Variants in GDAP1L1 observed in about 807,000 individuals in gnomAD.
The protein encoded by GDAP1L1 is ganglioside induced differentiation associated protein 1 like 1.
A neutral mutation model predicts 37.1 loss-of-function variants in GDAP1L1; 21 were observed. The observed-to-expected ratio is 0.57, with a 90% confidence interval of 0.40 to 0.81. The LOEUF is 0.81. Ranked by LOEUF, GDAP1L1 falls within the 40% of genes least tolerant of loss-of-function variation. GDAP1L1 has a pLI of 0.00. For missense variants in GDAP1L1, 362 were observed against 491.6 expected (o/e 0.74, Z 2.49); for synonymous variants, 193 against 209.1 (o/e 0.92, Z 0.67).
In GDAP1L1 at chr20:44,279,652, C is replaced by T. The variant is rs1435176385; in HGVS notation, c.*352C>T. ...TCCCAGGATGTTTCGTCCACCAGGG[C>T]CCAGATTCTGGGAGGTGCTGGGGAC... On this transcript the variant is annotated 3_prime_UTR_variant, in exon 6 of 6. Transcript: ENST00000342560. The T allele has an allele frequency of 2.1e-6, 1 of 483,392 alleles. No homozygotes were observed. Among genetic ancestry groups the T allele is most frequent in the Non-Finnish European group, 4.2e-6 (1 of 235,640 alleles). 29.9% of individuals were successfully genotyped at this position (483,392 alleles called of 1,614,324 possible).
chr20:44,255,887 G>T (rs1044012789), intron 1 of GDAP1L1, among the ~76,000 whole-genome samples: 2 of 152,172 alleles, frequency 1.3e-5, no homozygotes, highest in Non-Finnish European at 2.9e-5. Flanking sequence ...CAGTCCACAG[G>T]CAGGGGGCAA....
chr20:44,247,997 C>T (rs973134450), intron 1 of GDAP1L1, among the ~76,000 whole-genome samples: 20 of 152,138 alleles, frequency 1.3e-4, no homozygotes, highest in African/African-American at 4.3e-4. Context: ...GCTCCTCTGC[C>T]CCTCTGTCTG....
At chr20:44,258,215 C>T in intron 2 of GDAP1L1, 1 of 718,894 alleles carries the variant, frequency 1.4e-6, no homozygotes, top group Non-Finnish European at 2.6e-6. Flanking sequence ...AAGTCTGGAG[C>T]TGAGAGGAGC....
chr20:44,263,248 C>T lies in GDAP1L1; in HGVS notation c.566C>T (p.Thr189Ile). Reference protein sequence around the residue: ...AEIRRHLANATTDLMKLDHEE... With the variant: ...AEIRRHLANAITDLMKLDHEE... ...TCCCCAGGACATTTAGCCAATGCCA[C>T]CACGGACCTCATGAAACTGGACCAT... is the stretch of plus-strand genomic sequence containing the variant. Residue 189 changes from threonine (T) to isoleucine (I), a missense_variant, in exon 4 of 6, where the codon ACC becomes ATC. Physicochemically the swap from Thr to Ile is moderately conservative, Grantham distance 89. Transcript: ENST00000342560. 6.2e-7 allele frequency: 1 copy of T among 1,614,054 alleles called. No homozygotes were observed. Among genetic ancestry groups the T allele is most frequent in the Non-Finnish European group, 8.5e-7 (1 of 1,179,956 alleles).
intron 3 of GDAP1L1, among the ~76,000 whole-genome samples, chr20:44,259,946 A>G (rs1307571048): frequency 6.6e-6 from 1 of 152,194 alleles, no homozygotes; most frequent in African/African-American, 2.4e-5. Context: ...AAGACAAGTC[A>G]CCAGCCAATT....
At position 44,252,870 on chromosome 20, in the gene GDAP1L1, C is replaced by T. The variant is rs112767070; in HGVS notation, c.181-4283C>T. Among the ~76,000 whole-genome samples, 1,266 of 152,098 alleles carry T rather than the reference C, an allele frequency of 8.3e-3. 18 individuals are homozygous for T. The highest frequency in any genetic ancestry group is 0.028 in the African/African-American group (1,171 of 41,504). On this transcript the variant is annotated intron_variant, in intron 1 of 5. Coordinates refer to ENST00000342560, the MANE Select transcript of GDAP1L1 (RefSeq NM_024034.6). The stretch of plus-strand genomic sequence containing the variant: ...ATGCACAACCCTTTCTGCTCCTACC[C>T]TCCTCGTCTATTCCTGACTGCTCTG...
intron 5 of GDAP1L1, among the ~76,000 whole-genome samples, chr20:44,274,794 C>T (rs1184580852): frequency 1.3e-5 from 2 of 152,236 alleles, no homozygotes; most frequent in Non-Finnish European, 1.5e-5. Context: ...TAAATACCAC[C>T]TCCACATTGA....
chr20:44,273,457 C>A (rs1234032677), intron 5 of GDAP1L1, among the ~76,000 whole-genome samples: 1 of 152,188 alleles, frequency 6.6e-6, no homozygotes, highest in Non-Finnish European at 1.5e-5. Flanking sequence ...CTTTCACTGT[C>A]CGTCACTCCC....
At chr20:44,265,441 G>A (rs1600550308) in intron 5 of GDAP1L1, 1 of 985,436 alleles carries the variant, frequency 1.0e-6, no homozygotes, top group Non-Finnish European at 1.2e-6. Context: ...CAAATTTATG[G>A]TGCATTTGCA....
At chr20:44,275,037 C>T (rs534349614) in intron 5 of GDAP1L1, among the ~76,000 whole-genome samples, 47 of 152,016 alleles carry the variant, frequency 3.1e-4, no homozygotes, top group Non-Finnish European at 4.6e-4. Flanking sequence ...GGACCACAGG[C>T]GCACATGCTA....
In GDAP1L1 at chr20:44,248,617, T is replaced by C. The variant is rs181860099; in HGVS notation, c.180+1103T>C. Among the ~76,000 whole-genome samples, 689 of 152,352 alleles carry C rather than the reference T, an allele frequency of 4.5e-3. 7 individuals carry two copies. Among genetic ancestry groups the C allele is most frequent in the African/African-American group, 0.015 (628 of 41,578 alleles). On this transcript the variant is annotated intron_variant, in intron 1 of 5. Transcript: ENST00000342560. ...CAACCCCTTCTCAGGGTTGCTGATA[T>C]GGTTGTTGAAGAAGGGATATAACTT... is the stretch of plus-strand genomic sequence containing the variant.
upstream of GDAP1L1, chr20:44,247,165 G>A: frequency 1.5e-6 from 1 of 672,092 alleles, no homozygotes; most frequent in Non-Finnish European, 2.5e-6. Context: ...GGAGAAAGGA[G>A]CTCCCGGGAT....
intron 5 of GDAP1L1, among the ~76,000 whole-genome samples, chr20:44,277,670 T>C (rs1479694469): frequency 1.3e-5 from 2 of 152,044 alleles, no homozygotes; most frequent in Non-Finnish European, 2.9e-5. Flanking sequence ...GTGCTAAGAA[T>C]AGACTCTAGG....
intron 3 of GDAP1L1, among the ~76,000 whole-genome samples, chr20:44,261,127 T>A (rs955773777): frequency 5.9e-5 from 9 of 152,098 alleles, no homozygotes; most frequent in African/African-American, 2.2e-4. Flanking sequence ...GCAGAGAGGA[T>A]CTCAGGGCTC....
rs573648377 is a variant in GDAP1L1 at position 44,276,525 on chromosome 20, T to C, written c.761-2432T>C. ...AGGGAAGAAAGAAAGAAGCCAGTCT[T>C]GGGAGCAGATACTTTGACGGGCAGT... On this transcript the variant is annotated intron_variant, in intron 5 of 5. Coordinates refer to ENST00000342560, the MANE Select transcript of GDAP1L1 (RefSeq NM_024034.6). Among the ~76,000 whole-genome samples, 4 of 151,908 alleles carry C rather than the reference T, an allele frequency of 2.6e-5. No homozygotes were observed. In the East Asian group the frequency reaches 5.8e-4, roughly 22 times the overall value.
At chr20:44,249,228 G>T (rs185962494) in intron 1 of GDAP1L1, among the ~76,000 whole-genome samples, 1 of 152,024 alleles carries the variant, frequency 6.6e-6, no homozygotes, top group African/African-American at 2.4e-5. Context: ...GGTAGAGACA[G>T]GGTTTCACCA....
At chr20:44,261,907 T>A (rs1334058046) in intron 3 of GDAP1L1, among the ~76,000 whole-genome samples, 2 of 151,892 alleles carry the variant, frequency 1.3e-5, no homozygotes, top group Non-Finnish European at 2.9e-5. Context: ...TAGGAAGAAG[T>A]AGTAGTATGA....
At chr20:44,266,358 G>A (rs138811735) in intron 5 of GDAP1L1, among the ~76,000 whole-genome samples, 113 of 151,790 alleles carry the variant, frequency 7.4e-4, no homozygotes, top group African/African-American at 2.3e-3. Flanking sequence ...CTATCCTAAC[G>A]GTAGCTAAGG....
intron 5 of GDAP1L1, among the ~76,000 whole-genome samples, chr20:44,277,283 A>G (rs2062593404): frequency 1.3e-5 from 2 of 152,322 alleles, no homozygotes; most frequent in Admixed American, 1.3e-4. Flanking sequence ...TCCGTTTTAA[A>G]TTGGCAGTCT....
Sources: allele counts gnomAD v4.1 joint callset (sites outside exome capture counted in the v4.1 genomes callset), GRCh38; gene constraint gnomAD v4.1.1; transcripts MANE v1.5; gene names NCBI Gene and HGNC (gene_info 2026-07-23, HGNC 2026-07-21).